The following GAREM1 variants were observed in gnomAD, a reference collection of about 807,000 sequenced individuals.
GAREM1 encodes the protein GRB2 associated regulator of MAPK1 subtype 1.
In GAREM1, 26 loss-of-function variants were observed where a neutral mutation model predicts 71.3. The ratio of observed to expected loss-of-function variants is 0.36; its 90% CI spans 0.27 to 0.51. GAREM1 has a LOEUF of 0.51. GAREM1 is among the 20% of genes least tolerant of loss of function. The pLI is 0.95. For missense variants in GAREM1, 1,026 were observed against 1,103.1 expected, an observed-to-expected ratio of 0.93 and a Z score of 0.99; for synonymous variants, 440 against 433.2, an observed-to-expected ratio of 1.02 and a Z score of -0.20.
intron 1 of GAREM1, among the ~76,000 whole-genome samples, chr18:32,397,703 T>C (rs111965235): frequency 6.6e-5 from 10 of 152,226 alleles, no homozygotes; most frequent in Middle Eastern, 3.4e-3. Flanking sequence ...ACAATAATAA[T>C]GGGAGACTTC....
At chr18:32,450,755 T>C (rs773207674) in intron 1 of GAREM1, among the ~76,000 whole-genome samples, 1 of 152,160 alleles carries the variant, frequency 6.6e-6, no homozygotes, top group East Asian at 1.9e-4. Context: ...CCTCACCCTG[T>C]TGAAAGTTGG....
At chr18:32,356,446 AT>A (rs1207128033) in intron 2 of GAREM1, among the ~76,000 whole-genome samples, 4 of 152,182 alleles carry the variant, frequency 2.6e-5, no homozygotes. Flanking sequence ...CTTAGAACAA[AT>A]TCTTTGATAT....
At chr18:32,372,601 G>T (rs1226842315) in intron 2 of GAREM1, among the ~76,000 whole-genome samples, 4 of 152,110 alleles carry the variant, frequency 2.6e-5, no homozygotes, top group Admixed American at 6.6e-5. Flanking sequence ...CATCAGAAAG[G>T]GACAAGTCCC....
intron 3 of GAREM1, among the ~76,000 whole-genome samples, 175 bp downstream of exon 3, chr18:32,310,015 CAGA>C (rs1307179202): frequency 2.0e-5 from 3 of 152,170 alleles, no homozygotes; most frequent in African/African-American, 7.2e-5. Context: ...CTAATAAATA[CAGA>C]AGCAGTCAGG....
Position 32,266,403 on chromosome 18 carries a change from C to T in GAREM1, c.*1468G>A, listed in dbSNP as rs964039501. On this transcript the variant is annotated 3_prime_UTR_variant, in exon 6 of 6. Coordinates refer to ENST00000269209, the MANE Select transcript of GAREM1 (RefSeq NM_001242409.2). Reference sequence around the variant, plus strand: ...ATTCAAGAGGGCACTGTGTGCACCTCGGTCATGGGCTGTCCGCACATCTGG... The same window carrying T: ...ATTCAAGAGGGCACTGTGTGCACCTTGGTCATGGGCTGTCCGCACATCTGG... The T allele has an allele frequency of 2.6e-5, 4 of 152,156 alleles. No homozygotes were observed. The highest frequency in any genetic ancestry group is 4.4e-5 in the Non-Finnish European group (3 of 68,038). 9.4% of individuals were successfully genotyped at this position (152,156 alleles called of 1,614,324 possible). A position where few individuals can be genotyped will look rare whatever the true frequency, so the allele number is the denominator to read the frequency against.
At position 32,340,188 on chromosome 18, in the gene GAREM1, T is replaced by G. The variant is rs1255318146; in HGVS notation, c.263-29865A>C. Among the ~76,000 whole-genome samples, 3 of 152,214 alleles carry G rather than the reference T, an allele frequency of 2.0e-5. No homozygotes were observed. In the East Asian group the frequency reaches 5.8e-4, roughly 29 times the overall value. On this transcript the variant is annotated intron_variant, in intron 2 of 5. Coordinates refer to ENST00000269209, the MANE Select transcript of GAREM1 (RefSeq NM_001242409.2). ...TCCTACTTATTTAGGCAAACTGCTGTGCTAGGCCCTGAGGGCTATAATGAT... is the reference window on the plus strand; with the variant it reads ...TCCTACTTATTTAGGCAAACTGCTGGGCTAGGCCCTGAGGGCTATAATGAT...
At chr18:32,440,827 C>T (rs568764091) in intron 1 of GAREM1, among the ~76,000 whole-genome samples, 4 of 152,294 alleles carry the variant, frequency 2.6e-5, no homozygotes, top group East Asian at 3.9e-4. Context: ...GGAAAAGCAA[C>T]GCAGAAGAAC....
chr18:32,307,059 AAATTTGAAG>A (rs1164250445), intron 3 of GAREM1, among the ~76,000 whole-genome samples: 3 of 152,248 alleles, frequency 2.0e-5, no homozygotes, highest in Non-Finnish European at 4.4e-5. Flanking sequence ...ATTAAATTTA[AAATTTGAAG>A]TTAAAATTTT....
In GAREM1 at chr18:32,393,046, C is replaced by T. The variant is rs1268958300; in HGVS notation, c.122-11G>A. On this transcript the variant is annotated splice_polypyrimidine_tract_variant and intron_variant, in intron 1 of 5. Coordinates refer to ENST00000269209, the MANE Select transcript of GAREM1 (RefSeq NM_001242409.2). ...CTTCTACGCACTCTCCTAGGAAATA[C>T]AATTTTATATGAGAAACTTAGAATT... 3.1e-6 allele frequency: 5 copies of T among 1,606,762 alleles called. No homozygotes were observed. In the East Asian group the frequency reaches 6.7e-5, roughly 22 times the overall value.
chr18:32,266,433 T>C lies in GAREM1; in HGVS notation c.*1438A>G, dbSNP rs2041374579. 1 of 152,190 alleles carries C rather than the reference T, an allele frequency of 6.6e-6. No homozygotes were observed. Among genetic ancestry groups the C allele is most frequent in the African/African-American group, 2.4e-5 (1 of 41,450 alleles). 9.4% of individuals were successfully genotyped at this position (152,190 alleles called of 1,614,324 possible). A position where few individuals can be genotyped will look rare whatever the true frequency, so the allele number is the denominator to read the frequency against. ...ATGGGCTGTCCGCACATCTGGAATC[T>C]GGGGCCAGACTCTCAGGTGCAGGGG... On this transcript the variant is annotated 3_prime_UTR_variant, in exon 6 of 6. Transcript: ENST00000269209.
At chr18:32,402,672 A>C (rs2048326289) in intron 1 of GAREM1, among the ~76,000 whole-genome samples, 1 of 152,136 alleles carries the variant, frequency 6.6e-6, no homozygotes, top group African/African-American at 2.4e-5. Context: ...GGATTCAATT[A>C]GTTGTAGACA....
chr18:32,318,454 G>C (rs1042162038), intron 2 of GAREM1, among the ~76,000 whole-genome samples: 1 of 152,142 alleles, frequency 6.6e-6, no homozygotes, highest in Non-Finnish European at 1.5e-5. Context: ...AAGGTCACTT[G>C]TCAGAAATGA....
chr18:32,269,387 GTAGCT>G (rs975546036), intron 5 of GAREM1, among the ~76,000 whole-genome samples: 2 of 152,224 alleles, frequency 1.3e-5, no homozygotes, highest in Non-Finnish European at 2.9e-5. Context: ...ATGTGGAGCG[GTAGCT>G]TAGGCTCTGG....
rs1283528487 is a variant in GAREM1, at chr18:32,268,405, G to C, written c.2097C>G (p.Ala699=). Residue 699 remains alanine (A), a synonymous_variant, in exon 6 of 6, where the codon GCC becomes GCG. Coordinates refer to ENST00000269209, the MANE Select transcript of GAREM1 (RefSeq NM_001242409.2). The stretch of plus-strand genomic sequence containing the variant: ...CATCTGTGCTCTCCAGAGAGTAGCT[G>C]GCTGACTTGGGACAACCAGAGACGC... ...SSSVSGCPKS[A]SYSLESTDVK... 2 of 1,614,180 alleles carry C rather than the reference G, an allele frequency of 1.2e-6. No individual in the cohort carries two copies. Among genetic ancestry groups the C allele is most frequent in the East Asian group, 4.5e-5 (2 of 44,886 alleles).
At chr18:32,444,157 T>C (rs2144279649) in intron 1 of GAREM1, among the ~76,000 whole-genome samples, 1 of 152,272 alleles carries the variant, frequency 6.6e-6, no homozygotes, top group Middle Eastern at 3.4e-3. Flanking sequence ...AGGTTTCTTT[T>C]GCTAGTGATA....
intron 2 of GAREM1, among the ~76,000 whole-genome samples, chr18:32,354,492 A>G (rs2047785517): frequency 6.6e-6 from 1 of 152,230 alleles, no homozygotes; most frequent in African/African-American, 2.4e-5. Flanking sequence ...GCACTCCCAG[A>G]TGAGTGTTTC....
At chr18:32,323,944 G>A (rs1472025383) in intron 2 of GAREM1, among the ~76,000 whole-genome samples, 1 of 152,094 alleles carries the variant, frequency 6.6e-6, no homozygotes, top group East Asian at 1.9e-4. Flanking sequence ...AATGGGGAGA[G>A]AGGGAGATAG....
At chr18:32,401,761 C>T (rs924443828) in intron 1 of GAREM1, among the ~76,000 whole-genome samples, 2 of 152,260 alleles carry the variant, frequency 1.3e-5, no homozygotes, top group South Asian at 2.1e-4. Flanking sequence ...TGTTGTTTTC[C>T]GCAACTAAAT....
chr18:32,380,312 C>G (rs898153385), intron 2 of GAREM1, among the ~76,000 whole-genome samples: 1 of 151,792 alleles, frequency 6.6e-6, no homozygotes, highest in African/African-American at 2.4e-5. Context: ...CCCATCTCTA[C>G]TAAAAATACA....
Sources: allele counts gnomAD v4.1 joint callset (sites outside exome capture counted in the v4.1 genomes callset), GRCh38; gene constraint gnomAD v4.1.1; transcripts MANE v1.5; gene names NCBI Gene and HGNC (gene_info 2026-07-23, HGNC 2026-07-21).